SDK1: variants seen among roughly 807,000 people sequenced by gnomAD.
SDK1 encodes sidekick cell adhesion molecule 1, also known as protein sidekick-1.
In SDK1, 157 loss-of-function variants were observed where a neutral mutation model predicts 245.5. The ratio of observed to expected loss-of-function variants is 0.64; its 90% CI spans 0.56 to 0.73. The LOEUF is 0.73. Ranked by LOEUF, SDK1 falls within the 30% of genes least tolerant of loss-of-function variation. The pLI, the probability that SDK1 is intolerant of heterozygous loss-of-function variation, is 0.00. For synonymous variants in SDK1, 1,647 were observed against 1,278.5 expected, an observed-to-expected ratio of 1.29 and a Z score of -6.15; for missense variants, 3,583 against 3,002.3, an observed-to-expected ratio of 1.19 and a Z score of -4.52.
intron 20 of SDK1, among the ~76,000 whole-genome samples, chr7:4,070,089 G>A (rs568641029): frequency 6.6e-6 from 1 of 152,318 alleles, no homozygotes; most frequent in Admixed American, 6.5e-5. Flanking sequence ...TAAGTAGTTA[G>A]GTCCAAACAA....
chr7:3,603,932 G>A (rs533133935), intron 1 of SDK1, among the ~76,000 whole-genome samples: 2 of 152,182 alleles, frequency 1.3e-5, no homozygotes, highest in African/African-American at 4.8e-5. Context: ...TGCATCTATT[G>A]AGATAATCAT....
At chr7:3,736,450 T>C (rs1779319883) in intron 4 of SDK1, among the ~76,000 whole-genome samples, 1 of 152,056 alleles carries the variant, frequency 6.6e-6, no homozygotes, top group African/African-American at 2.4e-5. Flanking sequence ...ATTTGTTCTA[T>C]TTTTAGTAGA....
intron 1 of SDK1, among the ~76,000 whole-genome samples, chr7:3,558,614 G>C (rs982948092): frequency 6.6e-6 from 1 of 152,320 alleles, no homozygotes; most frequent in Admixed American, 6.5e-5. Flanking sequence ...CTGGGAGGGG[G>C]CAGAGGGGCA....
At chr7:3,767,560 A>T (rs1198170300) in intron 4 of SDK1, among the ~76,000 whole-genome samples, 1 of 152,238 alleles carries the variant, frequency 6.6e-6, no homozygotes, top group East Asian at 1.9e-4. Flanking sequence ...TATGCCAGGC[A>T]CTGATCTGGT....
intron 4 of SDK1, among the ~76,000 whole-genome samples, chr7:3,792,546 T>G (rs1778833032): frequency 6.6e-6 from 1 of 152,184 alleles, no homozygotes; most frequent in Admixed American, 6.5e-5. Flanking sequence ...AATCAGGCTT[T>G]TATGCTCTCA....
intron 40 of SDK1, among the ~76,000 whole-genome samples, chr7:4,230,318 A>T (rs910600750): frequency 6.9e-6 from 1 of 145,600 alleles, no homozygotes; most frequent in Non-Finnish European, 1.5e-5. Context: ...TGAAGGAAGG[A>T]TGAATGGATG....
At chr7:3,554,198 A>T (rs1032799434) in intron 1 of SDK1, among the ~76,000 whole-genome samples, 1 of 152,204 alleles carries the variant, frequency 6.6e-6, no homozygotes, top group Non-Finnish European at 1.5e-5. Context: ...AAGACGGCGC[A>T]CATCCTGGGC....
At chr7:3,821,058 C>A (rs759929919) in intron 4 of SDK1, among the ~76,000 whole-genome samples, 1 of 152,188 alleles carries the variant, frequency 6.6e-6, no homozygotes, top group African/African-American at 2.4e-5. Flanking sequence ...AATTCACTTG[C>A]GCTGGGTCAG....
chr7:3,402,663 G>T (rs1264262255), intron 1 of SDK1, among the ~76,000 whole-genome samples: 2 of 151,980 alleles, frequency 1.3e-5, no homozygotes, highest in African/African-American at 4.8e-5. Flanking sequence ...CATTTTTGAG[G>T]TGTTTAAATC....
chr7:3,458,391 A>G (rs992230298), intron 1 of SDK1, among the ~76,000 whole-genome samples: 1 of 152,132 alleles, frequency 6.6e-6, no homozygotes, highest in Admixed American at 6.5e-5. Context: ...GTAGGTCCAT[A>G]TAATACATGT....
chr7:3,655,484 T>A (rs1327831185), intron 4 of SDK1, among the ~76,000 whole-genome samples: 2 of 90,684 alleles, frequency 2.2e-5, no homozygotes, highest in Non-Finnish European at 4.9e-5. Context: ...TATATATATA[T>A]ATATATATAT....
chr7:3,766,667 T>C (rs912538604), intron 4 of SDK1, among the ~76,000 whole-genome samples: 1 of 152,238 alleles, frequency 6.6e-6, no homozygotes, highest in Non-Finnish European at 1.5e-5. Flanking sequence ...TATTATGGGC[T>C]ATTATGACTT....
chr7:3,326,585 A>G (rs572522731), intron 1 of SDK1, among the ~76,000 whole-genome samples: 1 of 152,270 alleles, frequency 6.6e-6, no homozygotes, highest in East Asian at 1.9e-4. Flanking sequence ...TGCCCTTTGG[A>G]AAGGTAGTGT....
intron 4 of SDK1, among the ~76,000 whole-genome samples, chr7:3,808,998 T>A (rs956424468): frequency 6.6e-6 from 1 of 151,916 alleles, no homozygotes; most frequent in Non-Finnish European, 1.5e-5. Flanking sequence ...TCACCAAGGG[T>A]TATTAGGCTG....
At chr7:3,737,511 G>A (rs1260555202) in intron 4 of SDK1, among the ~76,000 whole-genome samples, 1 of 152,224 alleles carries the variant, frequency 6.6e-6, no homozygotes, top group Admixed American at 6.5e-5. Flanking sequence ...CTGCTGGCTG[G>A]GGACTGATGG....
chr7:3,653,386 T>C (rs955429973), intron 4 of SDK1, among the ~76,000 whole-genome samples: 10 of 152,104 alleles, frequency 6.6e-5, no homozygotes, highest in African/African-American at 2.2e-4. Flanking sequence ...ATGGCACTTT[T>C]GTTGGGATTG....
intron 5 of SDK1, among the ~76,000 whole-genome samples, chr7:3,884,993 G>T (rs1399304531): frequency 6.6e-6 from 1 of 152,170 alleles, no homozygotes. Flanking sequence ...GGAAGGTGAT[G>T]TCCTTTCACC....
intron 1 of SDK1, among the ~76,000 whole-genome samples, chr7:3,484,064 C>G (rs1336006360): frequency 6.6e-6 from 1 of 152,192 alleles, no homozygotes; most frequent in African/African-American, 2.4e-5. Context: ...GTTGGGGATA[C>G]TCCAAATATT....
intron 1 of SDK1, among the ~76,000 whole-genome samples, chr7:3,589,468 T>C (rs1225652706): frequency 6.6e-6 from 1 of 152,238 alleles, no homozygotes; most frequent in Non-Finnish European, 1.5e-5. Flanking sequence ...TATATTACTA[T>C]TGGCTGCTGT....
Sources: allele counts gnomAD v4.1 joint callset (sites outside exome capture counted in the v4.1 genomes callset), GRCh38; gene constraint gnomAD v4.1.1; transcripts MANE v1.5; gene names NCBI Gene and HGNC (gene_info 2026-07-23, HGNC 2026-07-21).